Variants in CMSS1 observed in about 807,000 individuals in gnomAD.
CMSS1 encodes the protein cms1 ribosomal small subunit homolog.
In CMSS1, 33 loss-of-function variants were observed where a neutral mutation model predicts 43.5. That is an observed-to-expected ratio of 0.76 (90% CI 0.57 to 1.01). CMSS1 has a LOEUF of 1.01. CMSS1 is among the 50% of genes least tolerant of loss of function. The pLI is 0.00. For synonymous variants in CMSS1, 115 were observed against 117.2 expected (o/e 0.98, Z 0.12); for missense variants, 313 against 326.4 (o/e 0.96, Z 0.32).
intron 1 of CMSS1, among the ~76,000 whole-genome samples, chr3:100,102,970 G>A (rs1428023002): frequency 6.6e-6 from 1 of 152,230 alleles, no homozygotes; most frequent in Admixed American, 6.5e-5. Flanking sequence ...AAAAAGCAAT[G>A]TAATGCCCTC....
At chr3:99,920,641 T>C (rs139592743) in intron 1 of CMSS1, among the ~76,000 whole-genome samples, 4 of 152,194 alleles carry the variant, frequency 2.6e-5, no homozygotes, top group Non-Finnish European at 5.9e-5. Flanking sequence ...GGGAACAGGC[T>C]TTCCTGAGCT....
chr3:100,181,643 C>A lies in CMSS1; in HGVS notation c.*3255C>A, dbSNP rs907561953. 6.6e-6 allele frequency: 1 copy of A among 152,184 alleles called. No homozygotes were observed. Among genetic ancestry groups the A allele is most frequent in the Non-Finnish European group, 1.5e-5 (1 of 68,036 alleles). 9.4% of individuals were successfully genotyped at this position (152,184 alleles called of 1,614,324 possible). On this transcript the variant is annotated 3_prime_UTR_variant, in exon 10 of 10. Transcript: ENST00000421999. ...TGACCTTCACACTTTTGAACAGTAT[C>A]CATCGTGTATTTTGTAGAATGTCCT...
At chr3:99,825,171 C>T (rs1489395742) in intron 1 of CMSS1, among the ~76,000 whole-genome samples, 1 of 152,174 alleles carries the variant, frequency 6.6e-6, no homozygotes. Context: ...ATGTTAATAA[C>T]ACACAACAGA....
At chr3:99,972,595 T>G (rs1559709380) in intron 1 of CMSS1, among the ~76,000 whole-genome samples, 1 of 152,208 alleles carries the variant, frequency 6.6e-6, no homozygotes, top group Non-Finnish European at 1.5e-5. Context: ...AAATAACGGT[T>G]CATGTTTCCA....
At chr3:99,903,818 A>G (rs1706522582) in intron 1 of CMSS1, among the ~76,000 whole-genome samples, 2 of 152,168 alleles carry the variant, frequency 1.3e-5, no homozygotes, top group South Asian at 4.1e-4. Context: ...AAAACTACAC[A>G]ATGCTCTTTT....
chr3:99,895,395 T>A (rs1706217250), intron 1 of CMSS1, among the ~76,000 whole-genome samples: 1 of 150,950 alleles, frequency 6.6e-6, no homozygotes, highest in East Asian at 1.9e-4. Context: ...TTTTTTTTTT[T>A]ACTATGTATC....
intron 1 of CMSS1, among the ~76,000 whole-genome samples, chr3:100,061,172 G>A (rs931431371): frequency 1.3e-5 from 2 of 151,974 alleles, no homozygotes; most frequent in Non-Finnish European, 2.9e-5. Context: ...GGAAGGAAGG[G>A]TACAATTTTT....
intron 1 of CMSS1, among the ~76,000 whole-genome samples, chr3:100,075,081 A>G (rs1238098025): frequency 6.6e-6 from 1 of 151,970 alleles, no homozygotes; most frequent in Non-Finnish European, 1.5e-5. Context: ...GATATATTTT[A>G]TTGGTCTATG....
At chr3:99,927,399 C>T (rs1576578353) in intron 1 of CMSS1, among the ~76,000 whole-genome samples, 1 of 140,368 alleles carries the variant, frequency 7.1e-6, no homozygotes, top group African/African-American at 2.6e-5. Context: ...GACGGAGTTT[C>T]GCTTTTGTTG....
chr3:99,930,949 A>G (rs1707462829), intron 1 of CMSS1: 4 of 1,613,590 alleles, frequency 2.5e-6, no homozygotes, highest in Non-Finnish European at 3.4e-6. Flanking sequence ...GCCCTTGGAA[A>G]CTGTGGCCTT....
rs756920401 is a variant in CMSS1 at position 100,040,419 on chromosome 3, T to C, written c.65-106554T>C. 4.6e-5 allele frequency: 7 copies of C among 152,342 alleles called. No individual in the cohort carries two copies. The South Asian group carries it at 6.2e-4, about 14-fold the overall frequency. 9.4% of individuals were successfully genotyped at this position (152,342 alleles called of 1,614,324 possible). The stretch of plus-strand genomic sequence containing the variant: ...CAGATAATAGCATTCCATTTTAATA[T>C]AGATGAGTACACAGATGTGACCGTG... On this transcript the variant is annotated intron_variant, in intron 1 of 9. Coordinates refer to ENST00000421999, the MANE Select transcript of CMSS1 (RefSeq NM_032359.4).
At chr3:99,821,328 CTT>C (rs1942434750) in intron 1 of CMSS1, among the ~76,000 whole-genome samples, 3 of 152,152 alleles carry the variant, frequency 2.0e-5, no homozygotes, top group African/African-American at 4.8e-5. Flanking sequence ...AATCTAGACA[CTT>C]TTGTGAGTGG....
intron 1 of CMSS1, chr3:99,848,981 C>T: frequency 6.2e-7 from 1 of 1,613,998 alleles, no homozygotes; most frequent in Non-Finnish European, 8.5e-7. Flanking sequence ...AGTGGCTGCC[C>T]AGGTGTGTGG....
Position 100,074,675 on chromosome 3 carries a change from A to ATTTTTTTTTT in CMSS1, c.65-72271_65-72262dup, listed in dbSNP as rs555819875. On this transcript the variant is annotated intron_variant, in intron 1 of 9. Coordinates refer to ENST00000421999, the MANE Select transcript of CMSS1 (RefSeq NM_032359.4). ...ATTTTCTATGCATGTGCAACATTTG[A>ATTTTTTTTTT]TTTTTTTTTTTTTTTTTTTTTTTTT... Among the ~76,000 whole-genome samples, 600 of 34,798 alleles carry ATTTTTTTTTT rather than the reference A, an allele frequency of 0.017. 252 individuals are homozygous for ATTTTTTTTTT. The Middle Eastern group carries it at 0.2, about 12-fold the overall frequency. 22.8% of individuals were successfully genotyped at this position (34,798 alleles called of 152,430 possible).
intron 1 of CMSS1, among the ~76,000 whole-genome samples, chr3:99,904,614 TTTTG>T (rs749601032): frequency 1.4e-4 from 21 of 152,318 alleles, no homozygotes; most frequent in Non-Finnish European, 2.2e-4. Flanking sequence ...TTTTTTGTTT[TTTTG>T]TTTGTTTGTT....
At chr3:99,918,834 TTTG>T (rs757690044) in intron 1 of CMSS1, among the ~76,000 whole-genome samples, 17 of 152,222 alleles carry the variant, frequency 1.1e-4, no homozygotes, top group Non-Finnish European at 2.5e-4. Context: ...GGATCTCCAT[TTTG>T]TTCTGTCAAA....
intron 1 of CMSS1, among the ~76,000 whole-genome samples, chr3:100,047,818 C>A (rs2065301090): frequency 1.3e-5 from 2 of 151,944 alleles, no homozygotes; most frequent in South Asian, 4.2e-4. Context: ...CTGCTCTCCC[C>A]AGAAGGCATT....
At chr3:99,909,508 A>C (rs34518627) in intron 1 of CMSS1, among the ~76,000 whole-genome samples, 1 of 152,140 alleles carries the variant, frequency 6.6e-6, no homozygotes, top group African/African-American at 2.4e-5. Flanking sequence ...TGAAAAGTCA[A>C]ATTTTCCTGC....
At chr3:100,121,940 G>A (rs542615518) in intron 1 of CMSS1, among the ~76,000 whole-genome samples, 9 of 152,222 alleles carry the variant, frequency 5.9e-5, no homozygotes, top group South Asian at 2.1e-4. Context: ...GGAGAATCTC[G>A]GCAGAAGGCT....
Sources: gnomAD v4.1 joint callset for allele counts (sites outside exome capture counted in the v4.1 genomes callset) on GRCh38, gnomAD v4.1.1 for gene constraint, MANE v1.5 for transcripts, NCBI Gene and HGNC (gene_info 2026-07-23, HGNC 2026-07-21) for gene names.